The following STXBP6 variants were observed in gnomAD, a reference collection of about 807,000 sequenced individuals.
STXBP6 encodes the protein syntaxin binding protein 6, also known as syntaxin-binding protein 6.
In STXBP6, 21 loss-of-function variants were observed where a neutral mutation model predicts 26.9. That is an observed-to-expected ratio of 0.78 (90% CI 0.55 to 1.12). The LOEUF is 1.12. Among genes scored for constraint, STXBP6 ranks in the 50% most tolerant of loss-of-function variants. STXBP6 has a pLI of 0.00. For missense variants in STXBP6, 232 were observed against 257.9 expected, an observed-to-expected ratio of 0.90 and a Z score of 0.69; for synonymous variants, 97 against 92.6, an observed-to-expected ratio of 1.05 and a Z score of -0.27.
chr14:24,960,151 G>A (rs1158888737), intron 2 of STXBP6, among the ~76,000 whole-genome samples: 1 of 152,212 alleles, frequency 6.6e-6, no homozygotes, highest in African/African-American at 2.4e-5. Context: ...GTATCCCATA[G>A]AAAGCCATGG....
intron 2 of STXBP6, among the ~76,000 whole-genome samples, chr14:24,900,651 C>T (rs895776163): frequency 6.6e-6 from 1 of 152,070 alleles, no homozygotes; most frequent in South Asian, 2.1e-4. Flanking sequence ...TTAGTCATGC[C>T]CAGTTTTTCA....
intron 4 of STXBP6, among the ~76,000 whole-genome samples, chr14:24,841,863 T>C (rs1445207442): frequency 6.6e-6 from 1 of 152,224 alleles, no homozygotes; most frequent in Non-Finnish European, 1.5e-5. Context: ...ATTATTGGAG[T>C]TCATTGTTAC....
At chr14:25,017,908 T>C (rs565920645) in intron 1 of STXBP6, among the ~76,000 whole-genome samples, 1 of 152,286 alleles carries the variant, frequency 6.6e-6, no homozygotes, top group East Asian at 1.9e-4. Flanking sequence ...ATCCAGTAGC[T>C]CAAATTCAGT....
In STXBP6 at chr14:24,841,547, T is replaced by C. The variant is rs571390461; in HGVS notation, c.451+14389A>G. On this transcript the variant is annotated intron_variant, in intron 4 of 5. Coordinates refer to ENST00000323944, the MANE Select transcript of STXBP6 (RefSeq NM_001394410.1). Reference sequence around the variant, plus strand: ...ACCTTCTTTAAAAATTCCTATGAGATGAATGGTAGAGCATCTTGTTCTATC... The same window carrying C: ...ACCTTCTTTAAAAATTCCTATGAGACGAATGGTAGAGCATCTTGTTCTATC... Among the ~76,000 whole-genome samples, 9 of 152,334 alleles carry C rather than the reference T, an allele frequency of 5.9e-5. 1 individual carries two copies. In the South Asian group the frequency reaches 1.7e-3, roughly 28 times the overall value.
chr14:24,969,592 T>C (rs2073840941), intron 2 of STXBP6, among the ~76,000 whole-genome samples: 1 of 152,220 alleles, frequency 6.6e-6, no homozygotes, highest in African/African-American at 2.4e-5. Context: ...ATCAGGTATG[T>C]AGTAAACAAA....
At chr14:24,985,087 C>T (rs2074297989) in intron 1 of STXBP6, among the ~76,000 whole-genome samples, 1 of 152,160 alleles carries the variant, frequency 6.6e-6, no homozygotes, top group Admixed American at 6.5e-5. Flanking sequence ...ACAAATCGAG[C>T]TGTAGTTTGA....
chr14:24,930,972 G>A (rs1336743490), intron 2 of STXBP6, among the ~76,000 whole-genome samples: 1 of 145,228 alleles, frequency 6.9e-6, no homozygotes, highest in Admixed American at 6.8e-5. Context: ...TTAGCCGGGC[G>A]CGGTGGCGGG....
At chr14:24,813,778 A>G (rs1412349324) in intron 5 of STXBP6, among the ~76,000 whole-genome samples, 1 of 152,146 alleles carries the variant, frequency 6.6e-6, no homozygotes, top group East Asian at 1.9e-4. Flanking sequence ...TTGGAATGTC[A>G]CTAATCCATT....
At chr14:24,852,449 G>A (rs1246448373) in intron 4 of STXBP6, among the ~76,000 whole-genome samples, 1 of 152,052 alleles carries the variant, frequency 6.6e-6, no homozygotes, top group Non-Finnish European at 1.5e-5. Context: ...TGCACTTAAA[G>A]TCTCTTTAAT....
chr14:25,012,386 T>C (rs911331219), intron 1 of STXBP6, among the ~76,000 whole-genome samples: 3 of 152,128 alleles, frequency 2.0e-5, no homozygotes, highest in Admixed American at 2.0e-4. Flanking sequence ...CCCAGCACTT[T>C]GGGAGGCCGA....
At chr14:24,922,717 C>T (rs2072024024) in intron 2 of STXBP6, among the ~76,000 whole-genome samples, 1 of 152,044 alleles carries the variant, frequency 6.6e-6, no homozygotes. Flanking sequence ...CTGCTCATTC[C>T]ACCTTATGCA....
chr14:25,032,796 A>G (rs2140473943), intron 1 of STXBP6, among the ~76,000 whole-genome samples: 1 of 152,370 alleles, frequency 6.6e-6, no homozygotes, highest in African/African-American at 2.4e-5. Context: ...ATAGATAAAC[A>G]GAGGATCAGA....
chr14:24,832,850 C>T (rs1007373323), intron 4 of STXBP6, among the ~76,000 whole-genome samples: 7 of 152,168 alleles, frequency 4.6e-5, no homozygotes, highest in African/African-American at 1.7e-4. Flanking sequence ...TCCATTTGTA[C>T]TATTATTAGA....
intron 1 of STXBP6, among the ~76,000 whole-genome samples, chr14:24,981,711 T>C (rs1409777111): frequency 6.6e-6 from 1 of 152,108 alleles, no homozygotes; most frequent in Non-Finnish European, 1.5e-5. Context: ...TTAGAAAAAA[T>C]GGTGTGAGCA....
At chr14:24,886,863 T>G (rs1185059617) in intron 2 of STXBP6, among the ~76,000 whole-genome samples, 1 of 152,212 alleles carries the variant, frequency 6.6e-6, no homozygotes. Context: ...CAACTCCTAG[T>G]CAAGCATTGT....
chr14:24,921,618 C>A (rs1413618393), intron 2 of STXBP6, among the ~76,000 whole-genome samples: 1 of 152,092 alleles, frequency 6.6e-6, no homozygotes, highest in East Asian at 1.9e-4. Context: ...CTCAGTTATT[C>A]CTTCTAATAC....
At chr14:24,943,942 T>C (rs1222399764) in intron 2 of STXBP6, among the ~76,000 whole-genome samples, 1 of 152,182 alleles carries the variant, frequency 6.6e-6, no homozygotes, top group Non-Finnish European at 1.5e-5. Flanking sequence ...TGTTGCTTTT[T>C]TGTATTAAGC....
At chr14:24,957,306 A>C (rs4983044) in intron 2 of STXBP6, among the ~76,000 whole-genome samples, 1 of 151,894 alleles carries the variant, frequency 6.6e-6, no homozygotes, top group Non-Finnish European at 1.5e-5. Context: ...TTAAATTGAA[A>C]CTCTATTGGT....
chr14:24,889,367 A>G (rs1424959384), intron 2 of STXBP6, among the ~76,000 whole-genome samples: 1 of 140,672 alleles, frequency 7.1e-6, no homozygotes, highest in Admixed American at 7.7e-5. Flanking sequence ...CTAGAACAGG[A>G]TGCTATAAGA....
Sources: allele counts gnomAD v4.1 joint callset (sites outside exome capture counted in the v4.1 genomes callset), GRCh38; gene constraint gnomAD v4.1.1; transcripts MANE v1.5; gene names NCBI Gene and HGNC (gene_info 2026-07-23, HGNC 2026-07-21).